Variants in WDR33 observed in about 807,000 individuals in gnomAD.
The protein encoded by WDR33 is pre-mRNA 3' end processing protein WDR33.
A neutral mutation model predicts 164.9 loss-of-function variants in WDR33; 47 were observed. The observed-to-expected ratio is 0.29, with a 90% CI of 0.23 to 0.36. The LOEUF (loss-of-function observed/expected upper bound fraction) is 0.36, where lower values mean the gene tolerates loss of function less well. Ranked by LOEUF, WDR33 falls within the 10% of genes least tolerant of loss-of-function variation. The pLI, the probability that WDR33 is intolerant of heterozygous loss-of-function variation, is 1.00. For synonymous variants in WDR33, 505 were observed against 589.0 expected, an observed-to-expected ratio of 0.86 and a Z score of 2.06; for missense variants, 1,137 against 1,754.1, an observed-to-expected ratio of 0.65 and a Z score of 6.28.
intron 1 of WDR33, among the ~76,000 whole-genome samples, chr2:127,773,786 T>G (rs1422613199): frequency 6.6e-6 from 1 of 152,130 alleles, no homozygotes; most frequent in Non-Finnish European, 1.5e-5. Flanking sequence ...TTATTTGAGA[T>G]GGGGTCTCGC....
In WDR33 at chr2:127,763,611, T is replaced by C. The variant is rs117419883; in HGVS notation, c.627-452A>G. On this transcript the variant is annotated intron_variant, in intron 6 of 21. Transcript: ENST00000322313. The surrounding 1 kb of genome is among the most constrained non-coding windows in gnomAD (Gnocchi z 4.5). Reference sequence around the variant, plus strand: ...ATAAGCTGAAACAATGTGGGCTGTCTATTAAAAGACTGATTGCTAAACATC... The same window carrying C: ...ATAAGCTGAAACAATGTGGGCTGTCCATTAAAAGACTGATTGCTAAACATC... 4.7e-4 allele frequency: 468 copies of C among 994,838 alleles called. 11 individuals are homozygous for C. In the East Asian group the frequency reaches 0.034, roughly 73 times the overall value. The allele number at this position is 994,838 out of a possible 1,614,324, so 61.6% of individuals were successfully genotyped here.
At chr2:127,768,531 C>T (rs1180968722) in intron 3 of WDR33, among the ~76,000 whole-genome samples, 1 of 152,132 alleles carries the variant, frequency 6.6e-6, no homozygotes, top group Non-Finnish European at 1.5e-5. Context: ...AGTACCAGTA[C>T]TAACCCAGTA....
In WDR33 at chr2:127,727,456, C is replaced by CATT. The variant is rs1686598680; in HGVS notation, c.725-682_725-680dup. ...CACAAAATCCTGAGGAAAGTATTAG[C>CATT]ATTATCTCCATTTTACAAGTGAAGA... is the stretch of plus-strand genomic sequence containing the variant. On this transcript the variant is annotated intron_variant, in intron 7 of 21. Coordinates refer to ENST00000322313, the MANE Select transcript of WDR33 (RefSeq NM_018383.5). 5.9e-5 allele frequency among the ~76,000 whole-genome samples: 9 copies of CATT among 152,092 alleles called. No individual in the cohort carries two copies. The South Asian group carries it at 1.9e-3, about 32-fold the overall frequency.
At chr2:127,750,789 CAT>C (rs1300779915) in intron 7 of WDR33, among the ~76,000 whole-genome samples, 6 of 122,858 alleles carry the variant, frequency 4.9e-5, no homozygotes, top group African/African-American at 6.7e-5. Flanking sequence ...TATATACACA[CAT>C]ATGGAAAAAA....
At chr2:127,740,247 C>T (rs1419449595) in intron 7 of WDR33, among the ~76,000 whole-genome samples, 3 of 152,080 alleles carry the variant, frequency 2.0e-5, no homozygotes, top group Admixed American at 6.6e-5. Context: ...AATGTTAACT[C>T]ATTTCTAGGG....
rs1686925388 is a variant in WDR33 at position 127,738,715 on chromosome 2, C to T, written c.725-11938G>A. Among the ~76,000 whole-genome samples, 1 of 152,170 alleles carries T rather than the reference C, an allele frequency of 6.6e-6. No homozygotes were observed. Among genetic ancestry groups the T allele is most frequent in the African/African-American group, 2.4e-5 (1 of 41,422 alleles). Reference sequence around the variant, plus strand: ...GAGAGAAATAGTAGATAAATCACAACTGAGGGACATTCTGCAATATACTAT... The same window carrying T: ...GAGAGAAATAGTAGATAAATCACAATTGAGGGACATTCTGCAATATACTAT... On this transcript the variant is annotated intron_variant, in intron 7 of 21. Coordinates refer to ENST00000322313, the MANE Select transcript of WDR33 (RefSeq NM_018383.5). This position sits in a 1 kb window ranked among gnomAD's most constrained non-coding sequence, Gnocchi z 4.4.
chr2:127,713,991 A>G lies in WDR33; in HGVS notation c.2900T>C (p.Met967Thr). 1.3e-6 allele frequency: 2 copies of G among 1,536,172 alleles called. No individual in the cohort carries two copies. The highest frequency in any genetic ancestry group is 1.3e-5 in the South Asian group (1 of 78,314). ...ATGCCGCCTCTCTGACATCGGGCCC[A>G]TGTGATGGTTTGGAGGGCCGCGGGA... is the stretch of plus-strand genomic sequence containing the variant. ...GDSRGPPNHHMGPMSERRHEQ... is the reference protein window; with the variant it reads ...GDSRGPPNHHTGPMSERRHEQ... Residue 967 changes from methionine to threonine, a missense_variant, in exon 18 of 22, where the codon ATG (methionine) becomes ACG (threonine). By Grantham distance (81) the Met-to-Thr change is moderately conservative (BLOSUM62 -1). Coordinates refer to ENST00000322313, the MANE Select transcript of WDR33 (RefSeq NM_018383.5). This position sits in a 1 kb window ranked among gnomAD's most constrained non-coding sequence, Gnocchi z 6.2.
intron 1 of WDR33, among the ~76,000 whole-genome samples, chr2:127,809,952 A>G (rs1689587867): frequency 6.6e-6 from 1 of 152,228 alleles, no homozygotes; most frequent in African/African-American, 2.4e-5. Flanking sequence ...TAAGGCGAGG[A>G]AATGAAAAAT....
At chr2:127,810,109 G>A (rs1254078056) in intron 1 of WDR33, among the ~76,000 whole-genome samples, 1 of 152,102 alleles carries the variant, frequency 6.6e-6, no homozygotes, top group Non-Finnish European at 1.5e-5. Context: ...TAGCTCTCCA[G>A]AGTGTACTAA....
At chr2:127,793,555 A>T (rs1041437870) in intron 1 of WDR33, among the ~76,000 whole-genome samples, 22 of 152,058 alleles carry the variant, frequency 1.4e-4, no homozygotes, top group African/African-American at 4.8e-4. Context: ...ACCCTGAGCA[A>T]CATACTGAGA....
At chr2:127,784,293 C>G (rs1181027568) in intron 1 of WDR33, among the ~76,000 whole-genome samples, 1 of 152,158 alleles carries the variant, frequency 6.6e-6, no homozygotes, top group Non-Finnish European at 1.5e-5. Flanking sequence ...CCTTCTAAGA[C>G]AACTGTAGAT....
chr2:127,715,088 C>CTTT lies in WDR33; in HGVS notation c.2870-1070_2870-1068dup, dbSNP rs386391178. ...TCTTCTTTCTTTTCTTTCTTTGTTT[C>CTTT]TTTTTTTTTTTTTTTTTTTTTTGAG... On this transcript the variant is annotated intron_variant, in intron 17 of 21. Transcript: ENST00000322313. Among the ~76,000 whole-genome samples, 164 of 108,564 alleles carry CTTT rather than the reference C, an allele frequency of 1.5e-3. 1 individual carries two copies. The highest frequency in any genetic ancestry group is 1.9e-3 in the African/African-American group (51 of 26,566). 71.2% of individuals were successfully genotyped at this position (108,564 alleles called of 152,430 possible).
chr2:127,783,382 ACTT>A (rs2105464255), intron 1 of WDR33, among the ~76,000 whole-genome samples: 1 of 152,252 alleles, frequency 6.6e-6, no homozygotes, highest in South Asian at 2.1e-4. Flanking sequence ...AGAAACCAGC[ACTT>A]TTTTGTCAAG....
chr2:127,795,202 G>A (rs986787883), intron 1 of WDR33, among the ~76,000 whole-genome samples: 1 of 150,162 alleles, frequency 6.7e-6, no homozygotes, highest in African/African-American at 2.5e-5. Flanking sequence ...TCGGGTTCAA[G>A]CAATTCTCCT....
chr2:127,801,349 A>T (rs904675939), intron 1 of WDR33, among the ~76,000 whole-genome samples: 1 of 152,060 alleles, frequency 6.6e-6, no homozygotes, highest in African/African-American at 2.4e-5. Context: ...AATTGGAACC[A>T]TTGTGTACTG....
chr2:127,758,041 G>GT (rs1382820162), intron 7 of WDR33, among the ~76,000 whole-genome samples: 2 of 152,028 alleles, frequency 1.3e-5, no homozygotes, highest in Admixed American at 6.5e-5. Flanking sequence ...AAACTCCTGC[G>GT]TAAGTCTCAA....
At position 127,720,259 on chromosome 2, in the gene WDR33, G is replaced by A; in HGVS notation, c.1766C>T (p.Pro589Leu). ...AATCTGAGACATTGGACCTTGTCCTGGAAAAGGCTGGGGTCCGAGGAGAGG... is the reference window on the plus strand; with the variant it reads ...AATCTGAGACATTGGACCTTGTCCTAGAAAAGGCTGGGGTCCGAGGAGAGG... ...GTPLLGPQPF[P>L]GQGPMSQIPQ... The change falls in exon 16 of 22, where the codon CCA becomes CTA. Residue 589 changes from proline to leucine, a missense_variant. This residue lies in a region of WDR33 where 867 missense variants were observed against 1,073.0 expected (regional missense o/e 0.81). Coordinates refer to ENST00000322313, the MANE Select transcript of WDR33 (RefSeq NM_018383.5). The surrounding 1 kb of genome is among the most constrained non-coding windows in gnomAD (Gnocchi z 5.9). The A allele has an allele frequency of 6.4e-7, 1 of 1,560,902 alleles. No individual in the cohort carries two copies. Among genetic ancestry groups the A allele is most frequent in the South Asian group, 1.2e-5 (1 of 82,570 alleles).
Position 127,720,081 on chromosome 2 carries a change from C to A in WDR33, c.1944G>T (p.Gly648=), listed in dbSNP as rs1686399885. The change falls in exon 16 of 22, where the codon GGG becomes GGT. Residue 648 remains glycine (G), a synonymous_variant. Transcript: ENST00000322313. The surrounding 1 kb of genome is among the most constrained non-coding windows in gnomAD (Gnocchi z 5.9). ...QGPPLHQGGG[G]PQGFMGPQGP... is the part of the protein sequence containing the mutation. ...CCTGTGGTCCCATGAATCCTTGTGGCCCCCCACCTCCCTGATGCAGTGGAG... is the reference window on the plus strand; with the variant it reads ...CCTGTGGTCCCATGAATCCTTGTGGACCCCCACCTCCCTGATGCAGTGGAG... 1.6e-5 allele frequency: 26 copies of A among 1,614,096 alleles called. No homozygotes were observed. Among genetic ancestry groups the A allele is most frequent in the Non-Finnish European group, 2.2e-5 (26 of 1,180,016 alleles).
At chr2:127,779,348 C>T (rs1188533717) in intron 1 of WDR33, among the ~76,000 whole-genome samples, 1 of 151,996 alleles carries the variant, frequency 6.6e-6, no homozygotes, top group African/African-American at 2.4e-5. Context: ...CACCTGTAGT[C>T]CCAGCTACTT....
Sources: allele counts gnomAD v4.1 joint callset (sites outside exome capture counted in the v4.1 genomes callset), GRCh38; gene constraint gnomAD v4.1.1; regional missense constraint gnomAD v4.1.1; non-coding constraint Gnocchi (gnomAD v3.1); transcripts MANE v1.5; gene names NCBI Gene and HGNC (gene_info 2026-07-23, HGNC 2026-07-21).